MYCBPAP: variants seen among roughly 807,000 people sequenced by gnomAD.
MYCBPAP encodes MYCBP associated protein.
MYCBPAP carries 60 observed loss-of-function variants against 106.1 expected under a neutral mutation model. The ratio of observed to expected loss-of-function variants is 0.57; its 90% CI spans 0.46 to 0.70. The LOEUF (loss-of-function observed/expected upper bound fraction) is 0.70. MYCBPAP is among the 30% of genes least tolerant of loss of function. MYCBPAP has a pLI of 0.00. For missense variants in MYCBPAP, 1,064 were observed against 1,169.3 expected (o/e 0.91, Z 1.31); for synonymous variants, 407 against 440.6 (o/e 0.92, Z 0.95).
At chr17:50,525,814 T>G in intron 13 of MYCBPAP, 67 bp from the exon 14 acceptor site, 1 of 1,505,446 alleles carries the variant, frequency 6.6e-7, no homozygotes, top group African/African-American at 1.4e-5. Flanking sequence ...TGTCCTTATT[T>G]ACATTGAAGA....
intron 15 of MYCBPAP, 116 bp from the exon 16 acceptor site, chr17:50,528,038 TG>T: frequency 1.2e-6 from 1 of 800,458 alleles, no homozygotes; most frequent in Non-Finnish European, 2.1e-6. Context: ...TTCAGGGGTG[TG>T]GCATTTCCAC....
At chr17:50,525,653 A>ATT (rs1320021286) in intron 13 of MYCBPAP, among the ~76,000 whole-genome samples, 1 of 35,248 alleles carries the variant, frequency 2.8e-5, no homozygotes, top group Non-Finnish European at 5.1e-5. Flanking sequence ...TGCTCAGCTA[A>ATT]TTTCTCTTTT....
chr17:50,527,509 G>T, intron 15 of MYCBPAP, 101 bp downstream of exon 15: 4 of 1,474,272 alleles, frequency 2.7e-6, no homozygotes, highest in Admixed American at 2.0e-5. Flanking sequence ...CTGAGCTTCC[G>T]TTGAGCTCAG....
intron 4 of MYCBPAP, 27 bp from the exon 5 acceptor site, chr17:50,518,513 CT>C: frequency 6.5e-7 from 1 of 1,526,868 alleles, no homozygotes; most frequent in Non-Finnish European, 8.8e-7. Flanking sequence ...TCTTACTGCC[CT>C]CCACATACCT....
rs1197997132 is a variant in MYCBPAP at position 50,517,372 on chromosome 17, T to C, written c.284T>C (p.Met95Thr). The change falls in exon 3 of 19, where the codon ATG becomes ACG. Residue 95 changes from methionine to threonine, a missense_variant. Met to Thr is a moderately conservative substitution (Grantham distance 81). Coordinates refer to ENST00000323776, the MANE Select transcript of MYCBPAP (RefSeq NM_032133.6). The stretch of plus-strand genomic sequence containing the variant: ...TTTATCATCCGTAAACTCAAACCCA[T>C]GGATCCTAGGAGGAAGGTCTGCCAC... Reference protein sequence around the residue: ...QKFIIRKLKPMDPRRKVCHLV... With the variant: ...QKFIIRKLKPTDPRRKVCHLV... 1.2e-6 allele frequency: 2 copies of C among 1,614,002 alleles called. No homozygotes were observed. Among genetic ancestry groups the C allele is most frequent in the African/African-American group, 2.7e-5 (2 of 74,910 alleles).
chr17:50,525,659 C>CTCTTTTTTTTTTTTTTTT lies in MYCBPAP; in HGVS notation c.1783-221_1783-220insCTTTTTTTTTTTTTTTTT, dbSNP rs57947501. ...ACATCACCATGCTCAGCTAATTTCT[C>CTCTTTTTTTTTTTTTTTT]TTTTTTTTTTTGGTAGAGATAGGAT... On this transcript the variant is annotated intron_variant, in intron 13 of 18. Coordinates refer to ENST00000323776, the MANE Select transcript of MYCBPAP (RefSeq NM_032133.6). Among the ~76,000 whole-genome samples, 217 of 131,352 alleles carry CTCTTTTTTTTTTTTTTTT rather than the reference C, an allele frequency of 1.7e-3. 8 individuals carry two copies. The highest frequency in any genetic ancestry group is 5.7e-3 in the African/African-American group (201 of 34,958). The allele number at this position is 131,352 out of a possible 152,430, so 86.2% of individuals were successfully genotyped here.
Position 50,510,495 on chromosome 17 carries a change from G to GA in MYCBPAP, c.76+1745_76+1746insA, listed in dbSNP as rs2033793117. The GA allele has an allele frequency of 1.9e-4, 18 of 93,050 alleles. 1 individual carries two copies. The highest frequency in any genetic ancestry group is 8.4e-4 in the African/African-American group (17 of 20,284). 5.8% of individuals were successfully genotyped at this position (93,050 alleles called of 1,614,324 possible). Reference sequence around the variant, plus strand: ...TATATGTGTGTGTGTGTGTGTGTGTGTGTGTATATATATATATATATATAT... The same window carrying GA: ...TATATGTGTGTGTGTGTGTGTGTGTGATGTGTATATATATATATATATATAT... On this transcript the variant is annotated intron_variant, in intron 1 of 18. Transcript: ENST00000323776.
Position 50,522,776 on chromosome 17 carries a change from G to A in MYCBPAP, c.1258-163G>A, listed in dbSNP as rs377106645. 2.5e-5 allele frequency: 11 copies of A among 438,004 alleles called. No individual in the cohort carries two copies. In the East Asian group the frequency reaches 3.6e-4, roughly 14 times the overall value. 27.1% of individuals were successfully genotyped at this position (438,004 alleles called of 1,614,324 possible). On this transcript the variant is annotated intron_variant, in intron 10 of 18. Coordinates refer to ENST00000323776, the MANE Select transcript of MYCBPAP (RefSeq NM_032133.6). The stretch of plus-strand genomic sequence containing the variant: ...TGAGGGTAACCTCAGAGACAACCAC[G>A]CTGGAGTAGGATACCACTCTGTGTG...
intron 1 of MYCBPAP, 54 bp downstream of exon 1, chr17:50,508,804 C>T: frequency 6.7e-7 from 1 of 1,498,718 alleles, no homozygotes; most frequent in Non-Finnish European, 9.2e-7. Context: ...GAAGCGGTCC[C>T]CGGAAAGAGT....
rs1049298530 is a variant in MYCBPAP, at chr17:50,529,184, G to A, written c.2720G>A (p.Ser907Asn). The A allele has an allele frequency of 1.2e-6, 2 of 1,611,220 alleles. No homozygotes were observed. Among genetic ancestry groups the A allele is most frequent in the African/African-American group, 2.7e-5 (2 of 74,946 alleles). Residue 907 changes from serine to asparagine, a missense_variant, in exon 18 of 19, where the codon AGT (serine) becomes AAT (asparagine). Ser to Asn is a conservative substitution (Grantham distance 46). Coordinates refer to ENST00000323776, the MANE Select transcript of MYCBPAP (RefSeq NM_032133.6). The stretch of plus-strand genomic sequence containing the variant: ...GGGAAATACACCCAGAGCCTGCACA[G>A]TGAGGTGAAGGGAAGCGCCCAGCAG... ...VMGKYTQSLH[S>N]EVRGLLDTLV...
At position 50,524,263 on chromosome 17, in the gene MYCBPAP, C is replaced by T. The variant is rs182966761; in HGVS notation, c.1635+479C>T. 2.7e-3 allele frequency among the ~76,000 whole-genome samples: 417 copies of T among 152,288 alleles called. 1 individual carries two copies. The highest frequency in any genetic ancestry group is 9.2e-3 in the African/African-American group (384 of 41,554). On this transcript the variant is annotated intron_variant, in intron 12 of 18. Coordinates refer to ENST00000323776, the MANE Select transcript of MYCBPAP (RefSeq NM_032133.6). ...TGTGAGGTGGGAGCTTGGAATCTGTCGTCCGCAGTCAGTTTCACAGTGTGG... is the reference window on the plus strand; with the variant it reads ...TGTGAGGTGGGAGCTTGGAATCTGTTGTCCGCAGTCAGTTTCACAGTGTGG...
At chr17:50,508,833 A>T in intron 1 of MYCBPAP, 83 bp downstream of exon 1, 1 of 1,236,674 alleles carries the variant, frequency 8.1e-7, no homozygotes, top group Admixed American at 2.0e-5. Flanking sequence ...CGGGGCCTGG[A>T]GGATGGGGAT....
At chr17:50,521,558 C>A in intron 9 of MYCBPAP, 127 bp downstream of exon 9, 1 of 713,270 alleles carries the variant, frequency 1.4e-6, no homozygotes, top group Non-Finnish European at 2.4e-6. Flanking sequence ...GTGGTTGCCA[C>A]CCACTCCTTG....
chr17:50,520,130 A>G (rs2034206387), intron 7 of MYCBPAP: 2 of 204,074 alleles, frequency 9.8e-6, no homozygotes, highest in Non-Finnish European at 2.0e-5. Flanking sequence ...GTGTGAAAAC[A>G]ATATATTTTA....
chr17:50,520,530 T>C lies in MYCBPAP; in HGVS notation c.917-580T>C, dbSNP rs74917863. ...TAAAATAAATAAATAAATAAATAAA[T>C]AAACAAACAAACAAACTATATTACT... On this transcript the variant is annotated intron_variant, in intron 7 of 18. Coordinates refer to ENST00000323776, the MANE Select transcript of MYCBPAP (RefSeq NM_032133.6). Among the ~76,000 whole-genome samples, 646 of 74,336 alleles carry C rather than the reference T, an allele frequency of 8.7e-3. 3 individuals are homozygous for C. The highest frequency in any genetic ancestry group is 0.02 in the African/African-American group (361 of 17,878). 48.8% of individuals were successfully genotyped at this position (74,336 alleles called of 152,430 possible).
At chr17:50,509,340 G>C (rs1386653314) in intron 1 of MYCBPAP, 1 of 573,238 alleles carries the variant, frequency 1.7e-6, no homozygotes, top group African/African-American at 1.9e-5. Context: ...AGCTCCTTTA[G>C]CCTGGAAAGA....
rs772892604 is a variant in MYCBPAP, at chr17:50,522,925, C to T, written c.1258-14C>T. On this transcript the variant is annotated splice_polypyrimidine_tract_variant and intron_variant, in intron 10 of 18. Coordinates refer to ENST00000323776, the MANE Select transcript of MYCBPAP (RefSeq NM_032133.6). ...GTTTGCAGCAAAGACATTTCTTGTC[C>T]CTCCTCCTTCCAGAGGCAGGTTGGG... The T allele has an allele frequency of 6.2e-7, 1 of 1,603,248 alleles. No homozygotes were observed. Among genetic ancestry groups the T allele is most frequent in the Non-Finnish European group, 8.5e-7 (1 of 1,171,614 alleles).
Position 50,518,739 on chromosome 17 carries a change from CAG to C in MYCBPAP, c.652+16_652+17del, listed in dbSNP as rs1170782380. 1.9e-6 allele frequency: 3 copies of C among 1,559,818 alleles called. No homozygotes were observed. The highest frequency in any genetic ancestry group is 2.6e-6 in the Non-Finnish European group (3 of 1,156,622). On this transcript the variant is annotated intron_variant, in intron 5 of 18. Coordinates refer to ENST00000323776, the MANE Select transcript of MYCBPAP (RefSeq NM_032133.6). ...AGCCCTCAGCGGTGAGCAGAGCAGA[CAG>C]GGCTCCCGCCCGGCCTCCATCTGGC...
intron 12 of MYCBPAP, among the ~76,000 whole-genome samples, chr17:50,524,268 G>A (rs950220489): frequency 1.3e-5 from 2 of 152,150 alleles, no homozygotes; most frequent in Admixed American, 1.3e-4. Flanking sequence ...TCTGTCGTCC[G>A]CAGTCAGTTT....
Sources: allele counts gnomAD v4.1 joint callset (sites outside exome capture counted in the v4.1 genomes callset), GRCh38; gene constraint gnomAD v4.1.1; transcripts MANE v1.5; gene names NCBI Gene and HGNC (gene_info 2026-07-23, HGNC 2026-07-21).